Variants in KLHL29 observed in about 807,000 individuals in gnomAD.
KLHL29 encodes kelch like family member 29.
In KLHL29, 21 loss-of-function variants were observed where a neutral mutation model predicts 80.4. The ratio of observed to expected loss-of-function variants is 0.26; its 90% confidence interval spans 0.19 to 0.38. The LOEUF is 0.38. Among genes scored for constraint, KLHL29 ranks in the 10% least tolerant of loss-of-function variants. The pLI is 1.00. For synonymous variants in KLHL29, 511 were observed against 526.8 expected (o/e 0.97, Z 0.41); for missense variants, 867 against 1,223.9 (o/e 0.71, Z 4.35).
intron 3 of KLHL29, among the ~76,000 whole-genome samples, chr2:23,609,911 C>A (rs1356381019): frequency 6.6e-6 from 1 of 152,090 alleles, no homozygotes; most frequent in Non-Finnish European, 1.5e-5. Context: ...CACCCCTGAC[C>A]CCCCACTTCT....
Position 23,684,240 on chromosome 2 carries a change from C to T in KLHL29, c.941-159C>T, listed in dbSNP as rs574613147. 2.6e-5 allele frequency among the ~76,000 whole-genome samples: 4 copies of T among 151,838 alleles called. No homozygotes were observed. The highest frequency in any genetic ancestry group is 4.2e-4 in the South Asian group (2 of 4,796). On this transcript the variant is annotated intron_variant, in intron 5 of 13. Transcript: ENST00000486442. The surrounding 1 kb of genome is among the most constrained non-coding windows in gnomAD (Gnocchi z 4.4). The stretch of plus-strand genomic sequence containing the variant: ...GCTTGTTTATGCATTATGTTTGTGA[C>T]TTCTTTTGACTGTCAGTGTTGAGCC...
At chr2:23,534,390 C>A (rs1361115169) in intron 2 of KLHL29, among the ~76,000 whole-genome samples, 2 of 152,172 alleles carry the variant, frequency 1.3e-5, no homozygotes, top group Non-Finnish European at 2.9e-5. Flanking sequence ...TGTCTCAATG[C>A]CTTTGTTGAC....
Position 23,642,701 on chromosome 2 carries a change from C to T in KLHL29, c.791C>T (p.Pro264Leu). Residue 264 changes from proline (P) to leucine (L), a missense_variant, in exon 5 of 14, where the codon CCA (proline) becomes CTA (leucine). Pro to Leu is a moderately conservative substitution (Grantham distance 98, BLOSUM62 -3). Transcript: ENST00000486442. Reference protein sequence around the residue: ...NGHMAGPLLPPPPPAQPSATL... With the variant: ...NGHMAGPLLPLPPPAQPSATL... The stretch of plus-strand genomic sequence containing the variant: ...CACATGGCAGGGCCCCTGCTGCCTC[C>T]ACCGCCGCCAGCCCAGCCGTCCGCC... 1 of 1,548,324 alleles carries T rather than the reference C, an allele frequency of 6.5e-7. No homozygotes were observed. The highest frequency in any genetic ancestry group is 2.4e-5 in the East Asian group (1 of 40,834).
chr2:23,523,534 A>C (rs1666175894), intron 2 of KLHL29, among the ~76,000 whole-genome samples: 1 of 152,100 alleles, frequency 6.6e-6, no homozygotes, highest in South Asian at 2.1e-4. Context: ...AATGAACTGC[A>C]CTCTGGCTAC....
rs141143244 is a variant in KLHL29 at position 23,510,211 on chromosome 2, T to A, written c.-46+34544T>A. ...TGCCCTCAGAAGAGCTTATTTCTAG[T>A]GGTTATGGCAGGGGATGGATTGGGG... On this transcript the variant is annotated intron_variant, in intron 2 of 13. Coordinates refer to ENST00000486442, the MANE Select transcript of KLHL29 (RefSeq NM_052920.2). 2.1e-3 allele frequency among the ~76,000 whole-genome samples: 316 copies of A among 152,128 alleles called. 3 individuals are homozygous for A. The highest frequency in any genetic ancestry group is 3.1e-3 in the Non-Finnish European group (211 of 67,990).
At chr2:23,569,623 T>A (rs1558391961) in intron 3 of KLHL29, among the ~76,000 whole-genome samples, 3 of 152,058 alleles carry the variant, frequency 2.0e-5, no homozygotes, top group Non-Finnish European at 2.9e-5. Flanking sequence ...ACATTTTTTT[T>A]ATAGGGAAAG....
chr2:23,458,174 C>T (rs1664114613), intron 1 of KLHL29, among the ~76,000 whole-genome samples: 1 of 152,216 alleles, frequency 6.6e-6, no homozygotes, highest in Non-Finnish European at 1.5e-5. Context: ...ACTCAGCAGA[C>T]ACCAGGGACC....
chr2:23,536,980 G>A (rs952852531), intron 2 of KLHL29, among the ~76,000 whole-genome samples: 1 of 149,736 alleles, frequency 6.7e-6, no homozygotes, highest in African/African-American at 2.5e-5. Context: ...CTTCAGGTGT[G>A]GTGTAAAGGG....
chr2:23,510,962 A>G (rs1368663544), intron 2 of KLHL29, among the ~76,000 whole-genome samples: 1 of 152,200 alleles, frequency 6.6e-6, no homozygotes, highest in African/African-American at 2.4e-5. Context: ...TATATTTGCA[A>G]AATATCTGCT....
rs150300467 is a variant in KLHL29, at chr2:23,683,974, C to T, written c.941-425C>T. Among the ~76,000 whole-genome samples the T allele has an allele frequency of 2.3e-3, 357 of 152,310 alleles. 2 individuals are homozygous for T. Among genetic ancestry groups the T allele is most frequent in the African/African-American group, 8.0e-3 (331 of 41,568 alleles). Reference sequence around the variant, plus strand: ...ACCATATCCAGCCCATCTTACATCACAGTGCCATGCTTGACTTGGTCTCCA... The same window carrying T: ...ACCATATCCAGCCCATCTTACATCATAGTGCCATGCTTGACTTGGTCTCCA... On this transcript the variant is annotated intron_variant, in intron 5 of 13. Transcript: ENST00000486442.
rs1667478931 is a variant in KLHL29, at chr2:23,562,576, C to T, written c.285+95C>T. On this transcript the variant is annotated intron_variant, in intron 3 of 13. Coordinates refer to ENST00000486442, the MANE Select transcript of KLHL29 (RefSeq NM_052920.2). The surrounding 1 kb of genome is among the most constrained non-coding windows in gnomAD (Gnocchi z 4.5). Reference sequence around the variant, plus strand: ...GCCCCACAGGCTCCTGTGGGGCAGCCTGTGCTCCACGCCCCGAGTCCTCCA... The same window carrying T: ...GCCCCACAGGCTCCTGTGGGGCAGCTTGTGCTCCACGCCCCGAGTCCTCCA... 1 of 1,257,150 alleles carries T rather than the reference C, an allele frequency of 8.0e-7. No individual in the cohort carries two copies. The highest frequency in any genetic ancestry group is 2.7e-4 in the Middle Eastern group (1 of 3,656). 77.9% of individuals were successfully genotyped at this position (1,257,150 alleles called of 1,614,324 possible).
At chr2:23,656,265 T>C (rs1441474163) in intron 5 of KLHL29, among the ~76,000 whole-genome samples, 1 of 152,152 alleles carries the variant, frequency 6.6e-6, no homozygotes, top group Non-Finnish European at 1.5e-5. Context: ...GAGGAGGCCA[T>C]GCGATGGGAG....
chr2:23,399,785 A>T (rs1390506309), intron 1 of KLHL29, among the ~76,000 whole-genome samples: 1 of 152,154 alleles, frequency 6.6e-6, no homozygotes, highest in Non-Finnish European at 1.5e-5. Flanking sequence ...TCATGGGTTT[A>T]TGCCTGTTCT....
chr2:23,400,032 G>A (rs370163198), intron 1 of KLHL29, among the ~76,000 whole-genome samples: 1 of 152,226 alleles, frequency 6.6e-6, no homozygotes, highest in East Asian at 1.9e-4. Context: ...GACCACTGGG[G>A]AGTGTCCCGG....
intron 1 of KLHL29, among the ~76,000 whole-genome samples, chr2:23,426,622 A>C (rs1008580703): frequency 1.3e-5 from 2 of 152,196 alleles, no homozygotes; most frequent in Non-Finnish European, 2.9e-5. Flanking sequence ...TGGCTCACAC[A>C]TACTTTTCAT....
chr2:23,659,224 C>T (rs1474202669), intron 5 of KLHL29, among the ~76,000 whole-genome samples: 1 of 152,220 alleles, frequency 6.6e-6, no homozygotes, highest in East Asian at 1.9e-4. Flanking sequence ...CAGTGTGCAA[C>T]TTGAGCAACC....
chr2:23,587,447 C>T (rs527386141), intron 3 of KLHL29, among the ~76,000 whole-genome samples: 155 of 152,162 alleles, frequency 1.0e-3, no homozygotes, highest in African/African-American at 3.6e-3. Flanking sequence ...CTCAAGCCCT[C>T]GTACATGGAA....
intron 1 of KLHL29, among the ~76,000 whole-genome samples, chr2:23,410,418 G>T (rs1264904393): frequency 6.6e-6 from 1 of 152,136 alleles, no homozygotes; most frequent in Admixed American, 6.5e-5. Flanking sequence ...GCTGTGCTGG[G>T]CACTGGGAAC....
Position 23,700,818 on chromosome 2 carries a change from T to G in KLHL29, c.2106-2368T>G, listed in dbSNP as rs962426322. Among the ~76,000 whole-genome samples the G allele has an allele frequency of 9.8e-5, 15 of 152,294 alleles. No homozygotes were observed. Among genetic ancestry groups the G allele is most frequent in the Middle Eastern group, 3.4e-3 (1 of 294 alleles). ...TGCTGGAGATTCCATCCTCCATCCTTGAAGCCCTCACCTTCAGGGGCACAG... is the reference window on the plus strand; with the variant it reads ...TGCTGGAGATTCCATCCTCCATCCTGGAAGCCCTCACCTTCAGGGGCACAG... On this transcript the variant is annotated intron_variant, in intron 11 of 13. Coordinates refer to ENST00000486442, the MANE Select transcript of KLHL29 (RefSeq NM_052920.2). This position sits in a 1 kb window ranked among gnomAD's most constrained non-coding sequence, Gnocchi z 4.6.
Sources: gnomAD v4.1 joint callset for allele counts (sites outside exome capture counted in the v4.1 genomes callset) on GRCh38, gnomAD v4.1.1 for gene constraint, Gnocchi (gnomAD v3.1) non-coding constraint, MANE v1.5 for transcripts, NCBI Gene and HGNC (gene_info 2026-07-23, HGNC 2026-07-21) for gene names.